The following CACNA1E variants were observed in gnomAD, a reference collection of about 807,000 sequenced individuals.
CACNA1E encodes voltage-dependent R-type calcium channel subunit alpha-1E.
In CACNA1E, 40 loss-of-function variants were observed where a neutral mutation model predicts 259.2. That is an observed-to-expected ratio of 0.15 (90% CI 0.12 to 0.20). CACNA1E has a LOEUF of 0.20. CACNA1E is among the 10% of genes least tolerant of loss of function. The pLI is 1.00. For missense variants in CACNA1E, 1,874 were observed against 3,040.1 expected, an observed-to-expected ratio of 0.62 and a Z score of 9.02; for synonymous variants, 1,104 against 1,138.5, an observed-to-expected ratio of 0.97 and a Z score of 0.61.
At chr1:181,613,337 T>C (rs1021907775) in intron 6 of CACNA1E, among the ~76,000 whole-genome samples, 3 of 152,206 alleles carry the variant, frequency 2.0e-5, no homozygotes, top group Non-Finnish European at 4.4e-5. Context: ...TAACTACTAA[T>C]AGCCTACTAT....
rs1657293679 is a variant in CACNA1E, at chr1:181,637,198, C to T, written c.952-14140C>T. Among the ~76,000 whole-genome samples, 3 of 152,162 alleles carry T rather than the reference C, an allele frequency of 2.0e-5. No homozygotes were observed. The South Asian group carries it at 6.2e-4, about 32-fold the overall frequency. On this transcript the variant is annotated intron_variant, in intron 6 of 47. Coordinates refer to ENST00000367573, the MANE Select transcript of CACNA1E (RefSeq NM_001205293.3). ...TTTTGTTTTAATCCTTTCCTGAGCTCATCAGAGATAAGAGTGATAGAAACT... is the reference window on the plus strand; with the variant it reads ...TTTTGTTTTAATCCTTTCCTGAGCTTATCAGAGATAAGAGTGATAGAAACT...
chr1:181,577,686 G>A, intron 3 of CACNA1E, 80 bp from the exon 4 acceptor site: 1 of 882,186 alleles, frequency 1.1e-6, no homozygotes, highest in South Asian at 1.6e-5. Flanking sequence ...GGCTGAGCTT[G>A]CCTCAGCCCC....
chr1:181,721,634 C>T (rs2102485319), intron 15 of CACNA1E, 124 bp from the exon 16 acceptor site: 2 of 523,304 alleles, frequency 3.8e-6, no homozygotes, highest in South Asian at 3.8e-5. Flanking sequence ...TTTTAACTCC[C>T]TGGCAAGATT....
chr1:181,682,623 C>G (rs1572585480), intron 7 of CACNA1E, among the ~76,000 whole-genome samples: 2 of 152,180 alleles, frequency 1.3e-5, no homozygotes, highest in Non-Finnish European at 1.5e-5. Flanking sequence ...GCATATGGTT[C>G]CGCAGACTGT....
intron 6 of CACNA1E, among the ~76,000 whole-genome samples, chr1:181,641,713 T>TTTG (rs1572462813): frequency 5.7e-5 from 4 of 70,260 alleles, no homozygotes; most frequent in East Asian, 1.6e-3. Context: ...GTTTTTTTTT[T>TTTG]TTTTTTTTTT....
At chr1:181,445,559 T>C (rs1660741335) in intron 2 of CACNA1E, among the ~76,000 whole-genome samples, 1 of 152,194 alleles carries the variant, frequency 6.6e-6, no homozygotes, top group African/African-American at 2.4e-5. Context: ...CTGTCAGTCC[T>C]CCCCAACTTC....
intron 2 of CACNA1E, among the ~76,000 whole-genome samples, chr1:181,454,738 T>A (rs1661357520): frequency 6.6e-6 from 1 of 152,244 alleles, no homozygotes; most frequent in South Asian, 2.1e-4. Flanking sequence ...AACTCCCTCC[T>A]GCCCCTTAGT....
chr1:181,428,028 G>T (rs1248922247), intron 2 of CACNA1E, among the ~76,000 whole-genome samples: 2 of 152,046 alleles, frequency 1.3e-5, no homozygotes, highest in African/African-American at 2.4e-5. Context: ...CAGTTGCTTT[G>T]CAGTTACCAG....
intron 3 of CACNA1E, among the ~76,000 whole-genome samples, chr1:181,528,147 T>TC: frequency 7.3e-6 from 1 of 136,492 alleles, no homozygotes; most frequent in South Asian, 2.5e-4. Context: ...GGGCCCGGGG[T>TC]GGGGGGGGCA....
chr1:181,453,701 G>A (rs1661292271), intron 2 of CACNA1E, among the ~76,000 whole-genome samples: 2 of 152,204 alleles, frequency 1.3e-5, no homozygotes, highest in Admixed American at 6.5e-5. Flanking sequence ...AAGCCAACTG[G>A]ACAGAAGGTC....
At chr1:181,452,953 C>T (rs1387173328) in intron 2 of CACNA1E, among the ~76,000 whole-genome samples, 1 of 152,232 alleles carries the variant, frequency 6.6e-6, no homozygotes, top group Non-Finnish European at 1.5e-5. Flanking sequence ...CAGCTTGGAT[C>T]CTTTCCCAGA....
intron 32 of CACNA1E, among the ~76,000 whole-genome samples, chr1:181,761,485 A>G (rs756139450): frequency 1.3e-5 from 2 of 152,174 alleles, no homozygotes; most frequent in Non-Finnish European, 2.9e-5. Flanking sequence ...GCTGGGTTGG[A>G]GTATACTTCT....
chr1:181,363,286 C>T (rs1002928874), intron 1 of CACNA1E, among the ~76,000 whole-genome samples: 1 of 152,194 alleles, frequency 6.6e-6, no homozygotes, highest in Non-Finnish European at 1.5e-5. Context: ...TTGTGAATAC[C>T]TGCCAAAATG....
chr1:181,688,043 A>G (rs1265932363), intron 7 of CACNA1E, among the ~76,000 whole-genome samples: 1 of 152,234 alleles, frequency 6.6e-6, no homozygotes, highest in Non-Finnish European at 1.5e-5. Context: ...ACAAAAGAAT[A>G]TATATATATT....
At chr1:181,613,734 C>T (rs1654962770) in intron 6 of CACNA1E, among the ~76,000 whole-genome samples, 1 of 152,190 alleles carries the variant, frequency 6.6e-6, no homozygotes, top group East Asian at 1.9e-4. Context: ...GCCTTAAATC[C>T]TGGTGCTCAC....
intron 43 of CACNA1E, 37 bp from the exon 44 acceptor site, chr1:181,790,408 G>C (rs368680280): frequency 7.4e-7 from 1 of 1,347,770 alleles, no homozygotes; most frequent in Non-Finnish European, 1.1e-6. Flanking sequence ...TGGCATGACT[G>C]TCCCTCATTA....
At chr1:181,456,020 T>C (rs1661442635) in intron 2 of CACNA1E, among the ~76,000 whole-genome samples, 2 of 152,132 alleles carry the variant, frequency 1.3e-5, no homozygotes, top group Admixed American at 6.5e-5. Context: ...AGAGCCTGTT[T>C]GGAGGAGAAG....
At chr1:181,625,305 C>G (rs932412473) in intron 6 of CACNA1E, among the ~76,000 whole-genome samples, 2 of 152,086 alleles carry the variant, frequency 1.3e-5, no homozygotes, top group Non-Finnish European at 2.9e-5. Flanking sequence ...GTCTTTGAAG[C>G]CAAACGTCGT....
intron 1 of CACNA1E, among the ~76,000 whole-genome samples, chr1:181,338,094 T>A (rs1557923353): frequency 6.6e-6 from 1 of 152,132 alleles, no homozygotes. Context: ...TTTTTTTTGT[T>A]TGTTTTTGTG....
Sources: allele counts gnomAD v4.1 joint callset (sites outside exome capture counted in the v4.1 genomes callset), GRCh38; gene constraint gnomAD v4.1.1; transcripts MANE v1.5; gene names NCBI Gene and HGNC (gene_info 2026-07-23, HGNC 2026-07-21).